Variants in MTIF2 observed in about 807,000 individuals in gnomAD.
The protein encoded by MTIF2 is mitochondrial translational initiation factor 2.
In MTIF2, 71 loss-of-function variants were observed where a neutral mutation model predicts 83.5. That is an observed-to-expected ratio of 0.85 (90% CI 0.70 to 1.04). The LOEUF (loss-of-function observed/expected upper bound fraction) is 1.04. Ranked by LOEUF, MTIF2 falls within the 50% of genes least tolerant of loss-of-function variation. MTIF2 has a pLI of 0.00. For synonymous variants in MTIF2, 319 were observed against 287.1 expected, an observed-to-expected ratio of 1.11 and a Z score of -1.12; for missense variants, 957 against 846.5, an observed-to-expected ratio of 1.13 and a Z score of -1.62.
chr2:55,253,053 G>A (rs994753863), intron 7 of MTIF2, among the ~76,000 whole-genome samples: 13 of 152,162 alleles, frequency 8.5e-5, no homozygotes, highest in African/African-American at 2.9e-4. Context: ...CACGATTTGA[G>A]TCCATTGACC....
Position 55,252,516 on chromosome 2 carries a change from G to C in MTIF2, c.802C>G (p.Gln268Glu). 5 of 1,614,150 alleles carry C rather than the reference G, an allele frequency of 3.1e-6. No homozygotes were observed. The highest frequency in any genetic ancestry group is 1.1e-5 in the South Asian group (1 of 91,080). ...GCATGCTGAATAGATTCTACAGTTTGTTTCATCACTCCATCATCTGCAGCT... is the reference window on the plus strand; with the variant it reads ...GCATGCTGAATAGATTCTACAGTTTCTTTCATCACTCCATCATCTGCAGCT... ...VVAADDGVMK[Q>E]TVESIQHAKD... The change falls in exon 8 of 16, where the codon CAA becomes GAA. Residue 268 changes from glutamine (Q) to glutamate (E), a missense_variant. Coordinates refer to ENST00000263629, the MANE Select transcript of MTIF2 (RefSeq NM_002453.3).
At chr2:55,260,764 T>C (rs1475807622) in intron 5 of MTIF2, among the ~76,000 whole-genome samples, 1 of 152,192 alleles carries the variant, frequency 6.6e-6, no homozygotes, top group Non-Finnish European at 1.5e-5. Context: ...GAGTCACTAT[T>C]AATTCTTTTT....
In MTIF2 at chr2:55,244,141, A is replaced by C; in HGVS notation, c.1199T>G (p.Phe400Cys). Residue 400 changes from phenylalanine (F) to cysteine (C), a missense_variant, in exon 11 of 16, where the codon TTT becomes TGT. Physicochemically the swap from Phe to Cys is radical, Grantham distance 205. Transcript: ENST00000263629. ...GKCWAKVRLM[F>C]DENGKTIDEA... Reference sequence around the variant, plus strand: ...ATCAATTGTTTTTCCATTTTCATCAAACATTAAGCGTACTTTTGCCCAACA... The same window carrying C: ...ATCAATTGTTTTTCCATTTTCATCACACATTAAGCGTACTTTTGCCCAACA... 5 of 1,614,170 alleles carry C rather than the reference A, an allele frequency of 3.1e-6. No individual in the cohort carries two copies. Among genetic ancestry groups the C allele is most frequent in the Non-Finnish European group, 2.5e-6 (3 of 1,180,018 alleles).
intron 5 of MTIF2, 114 bp downstream of exon 5, chr2:55,262,202 A>G: frequency 1.3e-6 from 1 of 749,936 alleles, no homozygotes; most frequent in Non-Finnish European, 2.3e-6. Context: ...GACTTAATAT[A>G]TTTTTTAAGT....
intron 5 of MTIF2, among the ~76,000 whole-genome samples, chr2:55,261,121 G>A (rs1677946463): frequency 6.6e-6 from 1 of 151,680 alleles, no homozygotes; most frequent in Non-Finnish European, 1.5e-5. Flanking sequence ...CGAGTAGCTG[G>A]GACTACAGGC....
rs5831348 is a variant in MTIF2, at chr2:55,261,941, C to CAAA, written c.331+372_331+374dup. ...AAGACCCTGTCTCAAAAAAAAAAAC[C>CAAA]AAAAAAAAAAAAAAAGAAAGAAAAA... On this transcript the variant is annotated intron_variant, in intron 5 of 15. Transcript: ENST00000263629. 3.8e-3 allele frequency among the ~76,000 whole-genome samples: 331 copies of CAAA among 87,148 alleles called. 1 individual carries two copies. Among genetic ancestry groups the CAAA allele is most frequent in the African/African-American group, 0.012 (323 of 25,976 alleles). 57.2% of individuals were successfully genotyped at this position (87,148 alleles called of 152,430 possible). A position where few individuals can be genotyped will look rare whatever the true frequency, so the allele number is the denominator to read the frequency against.
chr2:55,261,415 G>C (rs1172059375), intron 5 of MTIF2, among the ~76,000 whole-genome samples: 1 of 151,656 alleles, frequency 6.6e-6, no homozygotes, highest in Non-Finnish European at 1.5e-5. Context: ...AGACAAGCCT[G>C]GCCAACATGG....
chr2:55,258,728 C>T (rs1422716477), intron 5 of MTIF2, among the ~76,000 whole-genome samples: 2 of 149,378 alleles, frequency 1.3e-5, no homozygotes, highest in African/African-American at 4.9e-5. Flanking sequence ...AGGAGAATTG[C>T]TTGAACCCGG....
chr2:55,267,238 C>T (rs1678504107), intron 3 of MTIF2, among the ~76,000 whole-genome samples: 2 of 151,952 alleles, frequency 1.3e-5, no homozygotes, highest in Admixed American at 1.3e-4. Context: ...CTCACTACAA[C>T]CTCCACCTGC....
intron 7 of MTIF2, 70 bp downstream of exon 7, chr2:55,253,971 T>C (rs1677312197): frequency 1.3e-6 from 2 of 1,501,122 alleles, no homozygotes. Context: ...GTATATTTCA[T>C]ACTATGACAT....
At position 55,236,780 on chromosome 2, in the gene MTIF2, T is replaced by A; in HGVS notation, c.2052A>T (p.Ser684=). The change falls in exon 16 of 16, where the codon TCA becomes TCT. Residue 684 remains serine (S), a synonymous_variant. Coordinates refer to ENST00000263629, the MANE Select transcript of MTIF2 (RefSeq NM_002453.3). The part of the protein sequence containing the change: ...TSLKHHKDDI[S]IVKTGMDCGL... ...CACAATCCATTCCCGTTTTGACAAT[T>A]GAAATGTCATCTTTATGGTGTTTCA... is the stretch of plus-strand genomic sequence containing the variant. 6.2e-7 allele frequency: 1 copy of A among 1,609,292 alleles called. No homozygotes were observed. The highest frequency in any genetic ancestry group is 8.5e-7 in the Non-Finnish European group (1 of 1,178,878).
intron 5 of MTIF2, among the ~76,000 whole-genome samples, chr2:55,255,728 T>C (rs1276097793): frequency 6.6e-6 from 1 of 151,816 alleles, no homozygotes; most frequent in Non-Finnish European, 1.5e-5. Flanking sequence ...CTAAATAGAA[T>C]ACAAAAAGGA....
At chr2:55,249,637 A>T (rs1237366629) in intron 8 of MTIF2, 103 bp from the exon 9 acceptor site, 1 of 1,404,480 alleles carries the variant, frequency 7.1e-7, no homozygotes, top group Non-Finnish European at 9.6e-7. Context: ...CTCTTTATTC[A>T]GTGGATGTTT....
intron 3 of MTIF2, among the ~76,000 whole-genome samples, chr2:55,264,491 CCA>C (rs953575299): frequency 1.3e-5 from 2 of 152,148 alleles, no homozygotes; most frequent in African/African-American, 4.8e-5. Flanking sequence ...CCTTGGCCTC[CCA>C]CAGTGTTGAA....
At chr2:55,252,433 CT>C (rs763825427) in intron 8 of MTIF2, 43 bp downstream of exon 8, 1 of 1,575,292 alleles carries the variant, frequency 6.3e-7, no homozygotes, top group Non-Finnish European at 8.7e-7. Context: ...GGCCCCAGAA[CT>C]TTGACTTTAT....
intron 5 of MTIF2, 50 bp from the exon 6 acceptor site, chr2:55,254,875 G>T: frequency 8.6e-7 from 1 of 1,169,354 alleles, no homozygotes; most frequent in East Asian, 2.8e-5. Flanking sequence ...AAATGCTCAA[G>T]AAGTAATCTC....
At chr2:55,256,454 T>A (rs1573901556) in intron 5 of MTIF2, among the ~76,000 whole-genome samples, 1 of 151,984 alleles carries the variant, frequency 6.6e-6, no homozygotes, top group Admixed American at 6.5e-5. Flanking sequence ...ACGCCTGTAA[T>A]CCCAACACTT....
At chr2:55,237,481 AC>A in intron 14 of MTIF2, 53 bp from the exon 15 acceptor site, 16 of 1,511,144 alleles carry the variant, frequency 1.1e-5, no homozygotes, top group Non-Finnish European at 1.2e-5. Context: ...TCTGATAAAT[AC>A]GTAATTTCTG....
In MTIF2 at chr2:55,252,546, C is replaced by A; in HGVS notation, c.772G>T (p.Val258Phe). The change falls in exon 8 of 16, where the codon GTT becomes TTT. Residue 258 changes from valine (V) to phenylalanine (F), a missense_variant. Transcript: ENST00000263629. ...ATCACTCCATCATCTGCAGCTACAA[C>A]CAATACGACAATGTCAGTGACCTGA... ...GAQVTDIVVLVVAADDGVMKQ... is the reference protein window; with the variant it reads ...GAQVTDIVVLFVAADDGVMKQ... 6.2e-7 allele frequency: 1 copy of A among 1,614,102 alleles called. No homozygotes were observed. Among genetic ancestry groups the A allele is most frequent in the Non-Finnish European group, 8.5e-7 (1 of 1,179,974 alleles).
Sources: gnomAD v4.1 joint callset for allele counts (sites outside exome capture counted in the v4.1 genomes callset) on GRCh38, gnomAD v4.1.1 for gene constraint, MANE v1.5 for transcripts, NCBI Gene and HGNC (gene_info 2026-07-23, HGNC 2026-07-21) for gene names.